ZNF638: variants seen among roughly 807,000 people sequenced by gnomAD.
The protein encoded by ZNF638 is zinc finger protein 638, also known as CTCL tumor antigen se33-1.
A neutral mutation model predicts 195.6 loss-of-function variants in ZNF638; 46 were observed. The ratio of observed to expected loss-of-function variants is 0.24; its 90% CI spans 0.19 to 0.30. The LOEUF is 0.30. Among genes scored for constraint, ZNF638 ranks in the 10% least tolerant of loss-of-function variants. The probability of loss-of-function intolerance (pLI) is 1.00; values close to 1 mark genes in which losing one functional copy is unlikely to be tolerated. For missense variants in ZNF638, 2,440 were observed against 2,325.3 expected (o/e 1.05, Z -1.01); for synonymous variants, 845 against 772.0 (o/e 1.09, Z -1.57).
At chr2:71,347,721 AAG>A (rs1207050566) in intron 1 of ZNF638, among the ~76,000 whole-genome samples, 1 of 152,152 alleles carries the variant, frequency 6.6e-6, no homozygotes, top group Non-Finnish European at 1.5e-5. Context: ...GTTTTCTGAG[AAG>A]AGTGTTGAAG....
intron 10 of ZNF638, among the ~76,000 whole-genome samples, chr2:71,387,203 G>T (rs2079658930): frequency 6.6e-6 from 1 of 152,060 alleles, no homozygotes; most frequent in Non-Finnish European, 1.5e-5. Context: ...AAAGTTCGAA[G>T]ATTTAGAGTA....
chr2:71,363,926 A>G (rs780770036), intron 4 of ZNF638, 28 bp from the exon 5 acceptor site: 5 of 1,581,986 alleles, frequency 3.2e-6, no homozygotes, highest in Middle Eastern at 1.7e-4. Context: ...ATTGCTGATC[A>G]CTTTCTTTTC....
chr2:71,350,876 A>T (rs1228577078), intron 2 of ZNF638, among the ~76,000 whole-genome samples: 1 of 152,202 alleles, frequency 6.6e-6, no homozygotes, highest in African/African-American at 2.4e-5. Flanking sequence ...AATAGTGTAA[A>T]ATGATAGAAA....
Position 71,372,791 on chromosome 2 carries a change from G to A in ZNF638, c.2265+2786G>A, listed in dbSNP as rs375231616. Among the ~76,000 whole-genome samples, 22 of 152,280 alleles carry A rather than the reference G, an allele frequency of 1.4e-4. No homozygotes were observed. The South Asian group carries it at 4.4e-3, about 30-fold the overall frequency. On this transcript the variant is annotated intron_variant, in intron 8 of 27. Transcript: ENST00000264447. Reference sequence around the variant, plus strand: ...GCTGTGGAATGGCTACTTTATAGAGGTTCTATAACACACATTTCTCAATAA... The same window carrying A: ...GCTGTGGAATGGCTACTTTATAGAGATTCTATAACACACATTTCTCAATAA...
Position 71,400,236 on chromosome 2 carries a change from A to T in ZNF638, c.2656+56A>T, listed in dbSNP as rs2079979236. ...TACTTATTTTAATTACCAATGCCATACCTAAGTGAAATTAAGAGTATTACG... is the reference window on the plus strand; with the variant it reads ...TACTTATTTTAATTACCAATGCCATTCCTAAGTGAAATTAAGAGTATTACG... On this transcript the variant is annotated intron_variant, in intron 14 of 27. Transcript: ENST00000264447. 6 of 1,359,838 alleles carry T rather than the reference A, an allele frequency of 4.4e-6. No individual in the cohort carries two copies. In the Admixed American group the frequency reaches 1.0e-4, roughly 23 times the overall value. 84.2% of individuals were successfully genotyped at this position (1,359,838 alleles called of 1,614,324 possible). A position where few individuals can be genotyped will look rare whatever the true frequency, so the allele number is the denominator to read the frequency against.
chr2:71,380,128 T>C, intron 8 of ZNF638, 94 bp from the exon 9 acceptor site: 1 of 606,866 alleles, frequency 1.6e-6, no homozygotes, highest in South Asian at 3.4e-5. Context: ...TAATCATGTG[T>C]CCTTTAGAAT....
rs2080136132 is a variant in ZNF638, at chr2:71,407,838, G to A, written c.3136-284G>A. 3 of 242,176 alleles carry A rather than the reference G, an allele frequency of 1.2e-5. No homozygotes were observed. The East Asian group carries it at 3.0e-4, about 24-fold the overall frequency. The allele number at this position is 242,176 out of a possible 1,614,324, so 15.0% of individuals were successfully genotyped here. A position where few individuals can be genotyped will look rare whatever the true frequency, so the allele number is the denominator to read the frequency against. ...GTCTCTAAGGTTCATCCATGTTGCAGCATGTGTCAGATTTTTCTTCATTTT... is the reference window on the plus strand; with the variant it reads ...GTCTCTAAGGTTCATCCATGTTGCAACATGTGTCAGATTTTTCTTCATTTT... On this transcript the variant is annotated intron_variant, in intron 19 of 27. Coordinates refer to ENST00000264447, the MANE Select transcript of ZNF638 (RefSeq NM_014497.5).
intron 10 of ZNF638, chr2:71,388,356 A>G (rs987044223): frequency 1.8e-6 from 1 of 569,208 alleles, no homozygotes; most frequent in African/African-American, 1.9e-5. Flanking sequence ...ACCTTTGATC[A>G]TCTGACCTTT....
intron 10 of ZNF638, among the ~76,000 whole-genome samples, chr2:71,383,762 CTTTTT>C (rs1181570876): frequency 1.3e-5 from 1 of 76,720 alleles, no homozygotes; most frequent in Non-Finnish European, 2.3e-5. Flanking sequence ...TTTTCTTTTT[CTTTTT>C]TTTTTTTTTT....
intron 1 of ZNF638, among the ~76,000 whole-genome samples, chr2:71,334,138 C>T (rs1024943666): frequency 1.3e-5 from 2 of 152,060 alleles, no homozygotes; most frequent in African/African-American, 4.8e-5. Context: ...TTGTATCTTT[C>T]CCAGTGCCTG....
chr2:71,372,118 T>C (rs2079325093), intron 8 of ZNF638, among the ~76,000 whole-genome samples: 1 of 152,174 alleles, frequency 6.6e-6, no homozygotes, highest in Admixed American at 6.5e-5. Flanking sequence ...GGTTCATTAA[T>C]GCATATGGAT....
chr2:71,379,891 T>G (rs1025926595), intron 8 of ZNF638: 1 of 159,618 alleles, frequency 6.3e-6, no homozygotes, highest in Non-Finnish European at 1.4e-5. Context: ...TCTTTTACTA[T>G]GTCTAATTTA....
chr2:71,405,581 T>C lies in ZNF638; in HGVS notation c.2959-20T>C, dbSNP rs776601535. ...AGAAAGAGCTTATACCATCAACCTT[T>C]ATCTATTTTTGCTTTTTAGGAAGCT... On this transcript the variant is annotated intron_variant, in intron 17 of 27. Coordinates refer to ENST00000264447, the MANE Select transcript of ZNF638 (RefSeq NM_014497.5). The C allele has an allele frequency of 7.3e-6, 11 of 1,505,420 alleles. 1 individual carries two copies. The East Asian group carries it at 1.6e-4, about 22-fold the overall frequency. The allele number at this position is 1,505,420 out of a possible 1,614,324, so 93.3% of individuals were successfully genotyped here.
At chr2:71,386,752 G>T (rs969876405) in intron 10 of ZNF638, among the ~76,000 whole-genome samples, 2 of 152,040 alleles carry the variant, frequency 1.3e-5, no homozygotes, top group Non-Finnish European at 2.9e-5. Flanking sequence ...AATGGTAGAA[G>T]TTATAAAAAG....
intron 24 of ZNF638, among the ~76,000 whole-genome samples, chr2:71,427,651 CAG>C (rs1488714316): frequency 6.6e-6 from 1 of 151,872 alleles, no homozygotes; most frequent in African/African-American, 2.4e-5. Context: ...TGACAAAAAA[CAG>C]AAAACAAACT....
In ZNF638 at chr2:71,380,208, T is replaced by C. The variant is rs749900377; in HGVS notation, c.2266-14T>C. On this transcript the variant is annotated splice_polypyrimidine_tract_variant and intron_variant, in intron 8 of 27. Coordinates refer to ENST00000264447, the MANE Select transcript of ZNF638 (RefSeq NM_014497.5). ...TACTAAATTTCTTTTGTTCAAAATA[T>C]TTTTCCTACGTAGAACAAAGAGGTG... is the stretch of plus-strand genomic sequence containing the variant. 5.4e-6 allele frequency: 8 copies of C among 1,495,232 alleles called. No individual in the cohort carries two copies. The highest frequency in any genetic ancestry group is 7.2e-6 in the Non-Finnish European group (8 of 1,118,638). 92.6% of individuals were successfully genotyped at this position (1,495,232 alleles called of 1,614,324 possible). A position where few individuals can be genotyped will look rare whatever the true frequency, so the allele number is the denominator to read the frequency against.
chr2:71,410,640 A>G (rs982784192), intron 20 of ZNF638, among the ~76,000 whole-genome samples: 3 of 152,160 alleles, frequency 2.0e-5, no homozygotes, highest in African/African-American at 7.2e-5. Flanking sequence ...ATAGACTATA[A>G]ACAGATATAA....
intron 3 of ZNF638, among the ~76,000 whole-genome samples, chr2:71,356,486 T>C: frequency 6.6e-6 from 1 of 152,204 alleles, no homozygotes; most frequent in East Asian, 1.9e-4. Context: ...AGAATCCTTT[T>C]GGTTGTAAGT....
chr2:71,344,263 A>G (rs1380547538), intron 1 of ZNF638, among the ~76,000 whole-genome samples: 1 of 152,230 alleles, frequency 6.6e-6, no homozygotes, highest in Non-Finnish European at 1.5e-5. Flanking sequence ...GCCTTTACGT[A>G]GTAGTGTCCC....
Sources: gnomAD v4.1 joint callset for allele counts (sites outside exome capture counted in the v4.1 genomes callset) on GRCh38, gnomAD v4.1.1 for gene constraint, MANE v1.5 for transcripts, NCBI Gene and HGNC (gene_info 2026-07-23, HGNC 2026-07-21) for gene names.